The following TTC17 variants were observed in gnomAD, a reference collection of about 807,000 sequenced individuals.
TTC17 encodes tetratricopeptide repeat protein 17.
TTC17 carries 58 observed loss-of-function variants against 143.8 expected under a neutral mutation model. That is an observed-to-expected ratio of 0.40 (90% confidence interval 0.33 to 0.50). TTC17 has a LOEUF of 0.50. TTC17 is among the 20% of genes least tolerant of loss of function. The probability of loss-of-function intolerance (pLI) is 0.49; values close to 1 mark genes in which losing one functional copy is unlikely to be tolerated. For synonymous variants in TTC17, 501 were observed against 497.8 expected, an observed-to-expected ratio of 1.01 and a Z score of -0.09; for missense variants, 1,273 against 1,392.5, an observed-to-expected ratio of 0.91 and a Z score of 1.37.
At chr11:43,427,376 T>C (rs986389078) in intron 16 of TTC17, among the ~76,000 whole-genome samples, 8 of 152,204 alleles carry the variant, frequency 5.3e-5, no homozygotes, top group Non-Finnish European at 1.0e-4. Flanking sequence ...CAGAAAGATA[T>C]GTTGTATTTT....
At position 43,379,339 on chromosome 11, in the gene TTC17, T is replaced by C; in HGVS notation, c.249+17T>C. The C allele has an allele frequency of 6.2e-7, 1 of 1,600,430 alleles. No homozygotes were observed. Among genetic ancestry groups the C allele is most frequent in the Non-Finnish European group, 8.5e-7 (1 of 1,170,782 alleles). The stretch of plus-strand genomic sequence containing the variant: ...GAATTAGAGGTGAGGCAACTGGGCA[T>C]GTGAGATGCAGCTGATGCTTGTTGC... On this transcript the variant is annotated intron_variant, in intron 2 of 23. Coordinates refer to ENST00000039989, the MANE Select transcript of TTC17 (RefSeq NM_018259.6).
chr11:43,452,819 A>C (rs943032742), intron 21 of TTC17, among the ~76,000 whole-genome samples: 1 of 151,898 alleles, frequency 6.6e-6, no homozygotes, highest in Non-Finnish European at 1.5e-5. Context: ...GCTACTTGAG[A>C]GATTGAGGTG....
chr11:43,451,079 AAC>A (rs1590443641), intron 20 of TTC17, 101 bp from the exon 21 acceptor site: 2 of 1,069,972 alleles, frequency 1.9e-6, no homozygotes, highest in East Asian at 5.0e-5. Context: ...ATCCCAGAAA[AAC>A]AGTTTGCCTC....
chr11:43,463,239 A>G (rs1219581483), intron 21 of TTC17, among the ~76,000 whole-genome samples: 1 of 152,096 alleles, frequency 6.6e-6, no homozygotes, highest in African/African-American at 2.4e-5. Flanking sequence ...TACATGCACA[A>G]GGAAGGAACA....
intron 1 of TTC17, among the ~76,000 whole-genome samples, chr11:43,373,324 C>CTTT (rs1358080544): frequency 3.7e-5 from 5 of 134,808 alleles, no homozygotes; most frequent in Admixed American, 7.5e-5. Flanking sequence ...TTAAAAGAAG[C>CTTT]TTTTTTTTTT....
intron 6 of TTC17, chr11:43,397,037 A>G (rs1484528332): frequency 2.1e-6 from 1 of 465,174 alleles, no homozygotes; most frequent in African/African-American, 1.9e-5. Flanking sequence ...CATTAAGGAA[A>G]AAATATGTAG....
chr11:43,461,302 TG>T, intron 21 of TTC17, among the ~76,000 whole-genome samples: 1 of 143,192 alleles, frequency 7.0e-6, no homozygotes, highest in East Asian at 2.1e-4. Flanking sequence ...GAGAATGGCG[TG>T]AACCCGGGAA....
intron 1 of TTC17, among the ~76,000 whole-genome samples, chr11:43,363,560 C>G (rs1327229114): frequency 6.6e-6 from 1 of 152,222 alleles, no homozygotes; most frequent in Non-Finnish European, 1.5e-5. Context: ...AGAGTATCAT[C>G]TGTATCAGCT....
At chr11:43,464,467 A>G (rs910923547) in intron 21 of TTC17, among the ~76,000 whole-genome samples, 2 of 152,134 alleles carry the variant, frequency 1.3e-5, no homozygotes, top group African/African-American at 4.8e-5. Flanking sequence ...CACACTAAGG[A>G]AAAAGATGAA....
rs562594929 is a variant in TTC17, at chr11:43,462,921, C to CTTTTTTTTTTTTTTTTTTTTTTTT, written c.3030+11668_3030+11669insTTTTTTTTTTTTTTTTTTTTTTTT. Among the ~76,000 whole-genome samples the CTTTTTTTTTTTTTTTTTTTTTTTT allele has an allele frequency of 2.7e-4, 32 of 117,710 alleles. 5 individuals carry two copies. Among genetic ancestry groups the CTTTTTTTTTTTTTTTTTTTTTTTT allele is most frequent in the African/African-American group, 1.1e-3 (26 of 24,702 alleles). 77.2% of individuals were successfully genotyped at this position (117,710 alleles called of 152,430 possible). A position where few individuals can be genotyped will look rare whatever the true frequency, so the allele number is the denominator to read the frequency against. ...CACTGAATCCAGCAGTGACAAAATTCTTTTTTTTTTTTGAGACAGAGTCTC... is the reference window on the plus strand; with the variant it reads ...CACTGAATCCAGCAGTGACAAAATTCTTTTTTTTTTTTTTTTTTTTTTTTTTTTTTTTTTTTGAGACAGAGTCTC... On this transcript the variant is annotated intron_variant, in intron 21 of 23. Coordinates refer to ENST00000039989, the MANE Select transcript of TTC17 (RefSeq NM_018259.6).
intron 1 of TTC17, among the ~76,000 whole-genome samples, chr11:43,362,372 A>G (rs926105406): frequency 2.6e-5 from 4 of 152,082 alleles, no homozygotes; most frequent in African/African-American, 9.7e-5. Context: ...ATGAAAATTC[A>G]TTTGATTTTT....
intron 1 of TTC17, among the ~76,000 whole-genome samples, chr11:43,363,770 G>A (rs1856212911): frequency 6.6e-6 from 1 of 152,202 alleles, no homozygotes; most frequent in Admixed American, 6.5e-5. Context: ...TTAGTCTGCA[G>A]TAGCATGCAA....
chr11:43,468,794 C>T (rs1948032218), intron 21 of TTC17, among the ~76,000 whole-genome samples: 1 of 151,994 alleles, frequency 6.6e-6, no homozygotes, highest in African/African-American at 2.4e-5. Flanking sequence ...AATCAGCCAG[C>T]AACGCCTGTA....
At position 43,398,073 on chromosome 11, in the gene TTC17, T is replaced by C; in HGVS notation, c.1018T>C (p.Cys340Arg). The change falls in exon 8 of 24, where the codon TGT (cysteine) becomes CGT (arginine). Residue 340 changes from cysteine (C) to arginine (R), a missense_variant. By Grantham distance (180) the Cys-to-Arg change is radical. Around this residue, in one of 3 missense-constraint regions of TTC17, gnomAD observed 325 missense variants for 444.2 expected, o/e 0.73. Transcript: ENST00000039989. ...TATAAAGAGGAAGCATGCTGTCCTA[T>C]GTCAGCAAAAACTGGAGCAGAAATT... ...QAIKRKHAVL[C>R]QQKLEQKLEA... 1.2e-6 allele frequency: 2 copies of C among 1,614,082 alleles called. No homozygotes were observed. The highest frequency in any genetic ancestry group is 1.7e-6 in the Non-Finnish European group (2 of 1,179,996).
chr11:43,485,654 C>T (rs1948365700), intron 21 of TTC17, among the ~76,000 whole-genome samples: 1 of 151,984 alleles, frequency 6.6e-6, no homozygotes, highest in South Asian at 2.1e-4. Flanking sequence ...TATTAACAGG[C>T]ATTTCACAGA....
chr11:43,360,579 A>G (rs1318518878), intron 1 of TTC17, among the ~76,000 whole-genome samples: 1 of 152,250 alleles, frequency 6.6e-6, no homozygotes, highest in African/African-American at 2.4e-5. Flanking sequence ...TTTATACTCT[A>G]TGACATTGAC....
At chr11:43,442,673 T>G (rs1216836848) in intron 16 of TTC17, among the ~76,000 whole-genome samples, 1 of 152,216 alleles carries the variant, frequency 6.6e-6, no homozygotes, top group African/African-American at 2.4e-5. Flanking sequence ...TACTGAGTTC[T>G]CAGGAGAGAG....
intron 1 of TTC17, chr11:43,369,934 C>T: frequency 2.8e-6 from 1 of 350,996 alleles, no homozygotes; most frequent in South Asian, 2.3e-5. Context: ...TTCAAAAATA[C>T]TGTACAAGTA....
chr11:43,492,197 C>G (rs1218824622), intron 23 of TTC17, 34 bp downstream of exon 23: 1 of 1,597,024 alleles, frequency 6.3e-7, no homozygotes. Context: ...TGTACCAACT[C>G]TGCCAAACAG....
Sources: gnomAD v4.1 joint callset for allele counts (sites outside exome capture counted in the v4.1 genomes callset) on GRCh38, gnomAD v4.1.1 for gene constraint, gnomAD v4.1.1 regional missense constraint, MANE v1.5 for transcripts, NCBI Gene and HGNC (gene_info 2026-07-23, HGNC 2026-07-21) for gene names.